The following RBM46 variants were observed in gnomAD, a reference collection of about 807,000 sequenced individuals.
The protein encoded by RBM46 is RNA binding motif protein 46.
Under a neutral mutation model 43.3 loss-of-function variants are expected in RBM46, and 12 were observed. The observed-to-expected ratio is 0.28, with a 90% CI of 0.18 to 0.45. The LOEUF (loss-of-function observed/expected upper bound fraction) is 0.45, where lower values mean the gene tolerates loss of function less well. Among genes scored for constraint, RBM46 ranks in the 20% least tolerant of loss-of-function variants. RBM46 has a pLI of 1.00. For missense variants in RBM46, 412 were observed against 639.1 expected (o/e 0.64, Z 3.83); for synonymous variants, 205 against 207.6 (o/e 0.99, Z 0.11).
chr4:154,785,409 TAAAAA>T (rs35749811), intron 1 of RBM46, among the ~76,000 whole-genome samples: 1 of 146,126 alleles, frequency 6.8e-6, no homozygotes, highest in Admixed American at 6.9e-5. Flanking sequence ...GAATTGTAGT[TAAAAA>T]AAAAAAAAGT....
At chr4:154,788,655 T>C (rs139479124) in intron 1 of RBM46, among the ~76,000 whole-genome samples, 24,853 of 152,218 alleles carry the variant, frequency 0.16, 2,631 homozygotes, top group East Asian at 0.44. Flanking sequence ...TAGGATTGTC[T>C]TGGCAATGTA....
At chr4:154,820,621 C>CA (rs1159660089) in intron 4 of RBM46, among the ~76,000 whole-genome samples, 1 of 151,758 alleles carries the variant, frequency 6.6e-6, no homozygotes, top group South Asian at 2.1e-4. Context: ...CAGGTCTTCT[C>CA]AAAACATTTA....
At chr4:154,794,481 AC>A (rs1734254154) in intron 1 of RBM46, among the ~76,000 whole-genome samples, 1 of 151,994 alleles carries the variant, frequency 6.6e-6, no homozygotes, top group Non-Finnish European at 1.5e-5. Context: ...CACTGCTTCC[AC>A]CTTTGCCCTT....
chr4:154,796,514 A>G (rs944380831), intron 1 of RBM46, among the ~76,000 whole-genome samples: 1 of 151,382 alleles, frequency 6.6e-6, no homozygotes, highest in Admixed American at 6.6e-5. Context: ...TCCCTTTCTT[A>G]TAGCTTAGGC....
intron 4 of RBM46, among the ~76,000 whole-genome samples, chr4:154,804,030 C>T (rs1158574633): frequency 6.6e-6 from 1 of 152,164 alleles, no homozygotes; most frequent in East Asian, 1.9e-4. Flanking sequence ...CTGTCTTGCT[C>T]CTGCTCTTGC....
At chr4:154,817,012 A>G (rs1735476809) in intron 4 of RBM46, among the ~76,000 whole-genome samples, 1 of 151,846 alleles carries the variant, frequency 6.6e-6, no homozygotes, top group Non-Finnish European at 1.5e-5. Flanking sequence ...TCCGAAGTAA[A>G]CTCAATTTGG....
intron 4 of RBM46, among the ~76,000 whole-genome samples, chr4:154,819,452 G>A (rs1209372020): frequency 2.0e-5 from 3 of 152,180 alleles, no homozygotes; most frequent in Admixed American, 6.6e-5. Flanking sequence ...CCAAAGAGGT[G>A]CACATACGTT....
At chr4:154,799,917 G>A (rs1468508636) in intron 4 of RBM46, among the ~76,000 whole-genome samples, 1 of 151,990 alleles carries the variant, frequency 6.6e-6, no homozygotes, top group African/African-American at 2.4e-5. Context: ...GTGCCACCAT[G>A]CCAGGCTAAT....
chr4:154,827,758 G>A, intron 4 of RBM46, 110 bp from the exon 5 acceptor site: 1 of 1,553,246 alleles, frequency 6.4e-7, no homozygotes, highest in East Asian at 2.3e-5. Context: ...AAGATTTCCA[G>A]TGTTAGAACA....
At chr4:154,798,605 G>T (rs1169504227) in intron 3 of RBM46, among the ~76,000 whole-genome samples, 177 bp from the exon 4 acceptor site, 1 of 152,116 alleles carries the variant, frequency 6.6e-6, no homozygotes, top group African/African-American at 2.4e-5. Flanking sequence ...AAATTACATA[G>T]TAAGTTTTAG....
intron 4 of RBM46, 64 bp downstream of exon 4, chr4:154,799,628 T>A (rs1734521945): frequency 8.6e-7 from 1 of 1,157,706 alleles, no homozygotes; most frequent in Non-Finnish European, 1.2e-6. Flanking sequence ...AGATTATTTT[T>A]AAATTCATTT....
At chr4:154,816,067 T>C (rs1735428750) in intron 4 of RBM46, among the ~76,000 whole-genome samples, 1 of 152,140 alleles carries the variant, frequency 6.6e-6, no homozygotes, top group Admixed American at 6.5e-5. Flanking sequence ...CACACACATA[T>C]ATGACTTATT....
intron 4 of RBM46, among the ~76,000 whole-genome samples, chr4:154,804,377 C>T (rs1004962467): frequency 6.6e-6 from 1 of 152,122 alleles, no homozygotes; most frequent in African/African-American, 2.4e-5. Flanking sequence ...ATAAAGCAAA[C>T]TATCAAGGCG....
intron 4 of RBM46, among the ~76,000 whole-genome samples, chr4:154,812,966 A>AT (rs1410959322): frequency 2.0e-5 from 3 of 152,086 alleles, no homozygotes; most frequent in African/African-American, 7.2e-5. Context: ...TAATTTTTAT[A>AT]TTTTTTATTT....
chr4:154,820,621 C>G (rs557739547), intron 4 of RBM46, among the ~76,000 whole-genome samples: 1 of 151,876 alleles, frequency 6.6e-6, no homozygotes, highest in African/African-American at 2.4e-5. Flanking sequence ...CAGGTCTTCT[C>G]AAAACATTTA....
chr4:154,782,990 ATTTGGATC>A (rs1733575881), intron 1 of RBM46, among the ~76,000 whole-genome samples: 1 of 152,218 alleles, frequency 6.6e-6, no homozygotes, highest in South Asian at 2.1e-4. Flanking sequence ...ACAGACTTCC[ATTTGGATC>A]TTTTCAGAAT....
At chr4:154,803,342 A>T (rs567027613) in intron 4 of RBM46, among the ~76,000 whole-genome samples, 13 of 152,138 alleles carry the variant, frequency 8.5e-5, no homozygotes, top group Non-Finnish European at 1.8e-4. Context: ...GACTATCTTC[A>T]TCTTCATAAT....
At position 154,820,197 on chromosome 4, in the gene RBM46, A is replaced by G. The variant is rs1376100640; in HGVS notation, c.1403-7671A>G. On this transcript the variant is annotated intron_variant, in intron 4 of 4. Coordinates refer to ENST00000281722, the MANE Select transcript of RBM46 (RefSeq NM_144979.5). ...TCTTCTCTTTGTTCATCTTTATAGA[A>G]CTCCAGAAATAACTATTTGCCCCTT... Among the ~76,000 whole-genome samples, 4 of 151,880 alleles carry G rather than the reference A, an allele frequency of 2.6e-5. No homozygotes were observed. In the South Asian group the frequency reaches 6.2e-4, roughly 24 times the overall value.
chr4:154,799,552 T>C lies in RBM46; in HGVS notation c.1390T>C (p.Leu464=). 6.5e-7 allele frequency: 1 copy of C among 1,546,292 alleles called. No homozygotes were observed. Among genetic ancestry groups the C allele is most frequent in the Non-Finnish European group, 8.7e-7 (1 of 1,149,592 alleles). ...AAAGGAACTGGCAGCCCAGTTTACATTACTTCATTTGGGTAAGTTTAAAAA... is the reference window on the plus strand; with the variant it reads ...AAAGGAACTGGCAGCCCAGTTTACACTACTTCATTTGGGTAAGTTTAAAAA... ...DAKELAAQFT[L]LHLDYNFHRS... is the part of the protein sequence containing the mutation. Residue 464 remains leucine, a synonymous_variant, in exon 4 of 5, where the codon TTA becomes CTA. Coordinates refer to ENST00000281722, the MANE Select transcript of RBM46 (RefSeq NM_144979.5).
Sources: gnomAD v4.1 joint callset for allele counts (sites outside exome capture counted in the v4.1 genomes callset) on GRCh38, gnomAD v4.1.1 for gene constraint, MANE v1.5 for transcripts, NCBI Gene and HGNC (gene_info 2026-07-23, HGNC 2026-07-21) for gene names.